The following ABCC11 variants were observed in gnomAD, a reference collection of about 807,000 sequenced individuals.
The protein encoded by ABCC11 is ATP-binding cassette sub-family C member 11.
A neutral mutation model predicts 149.3 loss-of-function variants in ABCC11; 135 were observed. That is an observed-to-expected ratio of 0.90 (90% CI 0.79 to 1.04). ABCC11 has a LOEUF of 1.04. Among genes scored for constraint, ABCC11 ranks in the 50% least tolerant of loss-of-function variants. The pLI is 0.00. For missense variants in ABCC11, 1,680 were observed against 1,722.1 expected, an observed-to-expected ratio of 0.98 and a Z score of 0.43; for synonymous variants, 665 against 671.4, an observed-to-expected ratio of 0.99 and a Z score of 0.15.
intron 14 of ABCC11, 72 bp from the exon 15 acceptor site, chr16:48,200,551 G>A (rs1414787796): frequency 9.4e-6 from 14 of 1,486,312 alleles, no homozygotes; most frequent in Non-Finnish European, 1.3e-5. Context: ...TGGGTAGGCA[G>A]ATGTAGCAGA....
chr16:48,182,377 G>T (rs780252048), intron 23 of ABCC11, among the ~76,000 whole-genome samples: 1 of 152,058 alleles, frequency 6.6e-6, no homozygotes, highest in Non-Finnish European at 1.5e-5. Context: ...TAACAGCTGG[G>T]CTGACTGGGA....
chr16:48,229,622 A>G (rs8046378), intron 3 of ABCC11, among the ~76,000 whole-genome samples: 12,783 of 139,762 alleles, frequency 0.091, 882 homozygotes, highest in African/African-American at 0.18. Context: ...CTGCCACCGC[A>G]CCCGGCTAAT....
At position 48,214,963 on chromosome 16, in the gene ABCC11, G is replaced by T. The variant is rs369153671; in HGVS notation, c.1166C>A (p.Thr389Asn). The T allele has an allele frequency of 7.9e-5, 127 of 1,613,976 alleles. No homozygotes were observed. The highest frequency in any genetic ancestry group is 1.0e-4 in the Non-Finnish European group (123 of 1,180,004). Residue 389 changes from threonine (T) to asparagine (N), a missense_variant, in exon 9 of 30, where the codon ACC becomes AAC. Thr to Asn is a moderately conservative substitution (Grantham distance 65). Coordinates refer to ENST00000356608, the MANE Select transcript of ABCC11 (RefSeq NM_001370497.1). ...GGCCACTGTGGGGATGATGAACAAGGTTATACTTGTCAGGCTCTGGACAAG... is the reference window on the plus strand; with the variant it reads ...GGCCACTGTGGGGATGATGAACAAGTTTATACTTGTCAGGCTCTGGACAAG... ...CGLVQSLTSI[T>N]LFIIPTVATA... is the part of the protein sequence containing the mutation.
At chr16:48,233,380 A>G (rs1047008198) in intron 1 of ABCC11, among the ~76,000 whole-genome samples, 6 of 152,200 alleles carry the variant, frequency 3.9e-5, no homozygotes, top group African/African-American at 1.4e-4. Context: ...GAATTTTCCT[A>G]CAGACCATAT....
chr16:48,184,600 T>G lies in ABCC11; in HGVS notation c.3098A>C (p.Asn1033Thr), dbSNP rs111447063. ...AGATAGAAACAACAGCAGGTAGTTATTCTGCGCATCAGTCAGCCTCTTAAA... is the reference window on the plus strand; with the variant it reads ...AGATAGAAACAACAGCAGGTAGTTAGTCTGCGCATCAGTCAGCCTCTTAAA... ...SQFKRLTDAQ[N>T]NYLLLFLSST... The change falls in exon 23 of 30, where the codon AAT becomes ACT. Residue 1033 changes from asparagine to threonine, a missense_variant. By Grantham distance (65) the Asn-to-Thr change is moderately conservative (BLOSUM62 0). Transcript: ENST00000356608. 1 of 1,614,226 alleles carries G rather than the reference T, an allele frequency of 6.2e-7. No homozygotes were observed. The highest frequency in any genetic ancestry group is 1.1e-5 in the South Asian group (1 of 91,078).
chr16:48,193,879 C>A lies in ABCC11; in HGVS notation c.2508G>T (p.Gly836=). The A allele has an allele frequency of 1.2e-6, 2 of 1,612,914 alleles. No homozygotes were observed. The highest frequency in any genetic ancestry group is 1.1e-5 in the South Asian group (1 of 90,982). ...AGCCCATCCACCTCATGGCACTCACCCCCGAGCCCTGCTCCAACCAGTAGC... is the reference window on the plus strand; with the variant it reads ...AGCCCATCCACCTCATGGCACTCACACCCGAGCCCTGCTCCAACCAGTAGC... ...WLSYWLEQGS[G]TNSSRESNGT... The change falls in exon 19 of 30, where the codon GGG becomes GGT. Residue 836 remains glycine, a splice_region_variant and synonymous_variant. Coordinates refer to ENST00000356608, the MANE Select transcript of ABCC11 (RefSeq NM_001370497.1).
Position 48,222,710 on chromosome 16 carries a change from G to A in ABCC11, c.665C>T (p.Ser222Phe), listed in dbSNP as rs1361736280. 1.2e-6 allele frequency: 2 copies of A among 1,614,236 alleles called. No individual in the cohort carries two copies. Among genetic ancestry groups the A allele is most frequent in the South Asian group, 1.1e-5 (1 of 91,088 alleles). The part of the protein sequence containing the change: ...SECVKSLSFS[S>F]SWIINQRTAI... The stretch of plus-strand genomic sequence containing the variant: ...TGTGCGTTGGTTGATGATCCAACTG[G>A]AGGAGAAACTCAGAGACTTCACACA... Residue 222 changes from serine to phenylalanine, a missense_variant, in exon 6 of 30, where the codon TCC becomes TTC. By Grantham distance (155) the Ser-to-Phe change is radical. Coordinates refer to ENST00000356608, the MANE Select transcript of ABCC11 (RefSeq NM_001370497.1).
intron 18 of ABCC11, 66 bp downstream of exon 18, chr16:48,196,166 A>G: frequency 1.3e-6 from 2 of 1,542,524 alleles, no homozygotes; most frequent in Middle Eastern, 1.8e-4. Context: ...ACGTGTTCCA[A>G]TCTGACCCAG....
In ABCC11 at chr16:48,224,422, G is replaced by T. The variant is rs755688330; in HGVS notation, c.403C>A (p.Arg135Ser). 2 of 1,614,016 alleles carry T rather than the reference G, an allele frequency of 1.2e-6. No individual in the cohort carries two copies. The highest frequency in any genetic ancestry group is 2.2e-5 in the South Asian group (2 of 91,056). The change falls in exon 5 of 30, where the codon CGC becomes AGC. Residue 135 changes from arginine to serine, a missense_variant. Transcript: ENST00000356608. ...ASDKNVQRLH[R>S]LWEEEVSRRG... is the part of the protein sequence containing the mutation. ...CTTGAGACTTCTTCTTCCCAAAGGC[G>T]GTGAAGCCTTGAAAAGAGGATAATG...
chr16:48,216,200 C>A lies in ABCC11; in HGVS notation c.865G>T (p.Val289Phe), dbSNP rs1469725321. Reference sequence around the variant, plus strand: ...AAGTAGGAAGAAATGCTGCAGATGACCAGCGATGCGCAGGTGATCAGTACT... The same window carrying A: ...AAGTAGGAAGAAATGCTGCAGATGAACAGCGATGCGCAGGTGATCAGTACT... ...PLVLITCASL[V>F]ICSISSYFII... The change falls in exon 7 of 30, where the codon GTC becomes TTC. Residue 289 changes from valine to phenylalanine, a missense_variant. Val to Phe is a conservative substitution (Grantham distance 50, BLOSUM62 -1). Coordinates refer to ENST00000356608, the MANE Select transcript of ABCC11 (RefSeq NM_001370497.1). The A allele has an allele frequency of 6.2e-7, 1 of 1,614,118 alleles. No homozygotes were observed. The highest frequency in any genetic ancestry group is 1.7e-5 in the Admixed American group (1 of 60,026).
chr16:48,229,405 AAAC>A (rs1286291868), intron 3 of ABCC11, among the ~76,000 whole-genome samples: 1 of 152,104 alleles, frequency 6.6e-6, no homozygotes, highest in Non-Finnish European at 1.5e-5. Context: ...AAATCTTAGA[AAAC>A]ATGTTGGAAA....
chr16:48,171,483 T>G (rs1451274600), intron 26 of ABCC11, among the ~76,000 whole-genome samples: 1 of 152,224 alleles, frequency 6.6e-6, no homozygotes, highest in Non-Finnish European at 1.5e-5. Flanking sequence ...AACTCAGCCT[T>G]GGCCTCCCCA....
At position 48,198,007 on chromosome 16, in the gene ABCC11, C is replaced by A; in HGVS notation, c.2278G>T (p.Ala760Ser). 1 of 1,614,180 alleles carries A rather than the reference C, an allele frequency of 6.2e-7. No homozygotes were observed. The highest frequency in any genetic ancestry group is 8.5e-7 in the Non-Finnish European group (1 of 1,180,032). The change falls in exon 17 of 30, where the codon GCC becomes TCC. Residue 760 changes from alanine to serine, a missense_variant. Coordinates refer to ENST00000356608, the MANE Select transcript of ABCC11 (RefSeq NM_001370497.1). ...TTGAGAGACTCTTCCAGGGAGGTGG[C>A]CAGAGCCTGACTTTCTACCTTTGGC... ...EKPKVESQAL[A>S]TSLEESLNGN...
Position 48,209,069 on chromosome 16 carries a change from T to C in ABCC11, c.1609-573A>G, listed in dbSNP as rs1968689097. On this transcript the variant is annotated intron_variant, in intron 11 of 29. Coordinates refer to ENST00000356608, the MANE Select transcript of ABCC11 (RefSeq NM_001370497.1). ...GATAAGTGATATGAGTAAAATGAAG[T>C]TGACTCTTATGACAGACAGAAAGTT... Among the ~76,000 whole-genome samples the C allele has an allele frequency of 2.0e-5, 3 of 152,108 alleles. No individual in the cohort carries two copies. In the South Asian group the frequency reaches 6.2e-4, roughly 32 times the overall value.
chr16:48,178,518 C>T (rs759586631), intron 24 of ABCC11, 79 bp downstream of exon 24: 2 of 1,367,300 alleles, frequency 1.5e-6, no homozygotes, highest in Non-Finnish European at 2.1e-6. Context: ...GCTCTGAGGC[C>T]AGTGGGGCTT....
chr16:48,216,014 G>A (rs1217698207), intron 7 of ABCC11, 100 bp downstream of exon 7: 1 of 1,295,634 alleles, frequency 7.7e-7, no homozygotes, highest in Non-Finnish European at 1.1e-6. Context: ...GGATTGAAAG[G>A]TCAACAAGAA....
chr16:48,218,882 G>A (rs1969533238), intron 6 of ABCC11, among the ~76,000 whole-genome samples: 1 of 152,148 alleles, frequency 6.6e-6, no homozygotes. Flanking sequence ...TCAGCAGCGT[G>A]AAAATGGACT....
rs770507620 is a variant in ABCC11, at chr16:48,184,537, G to A, written c.3161C>T (p.Thr1054Ile). 3 of 1,614,124 alleles carry A rather than the reference G, an allele frequency of 1.9e-6. No homozygotes were observed. In the African/African-American group the frequency reaches 4.0e-5, roughly 22 times the overall value. ...RWMALRLEIM[T>I]NLVTLAVALF... ...GGCAACAGCCAAGGTCACAAGGTTG[G>A]TCATGATCTCCAGCCTCAATGCCAT... The change falls in exon 23 of 30, where the codon ACC becomes ATC. Residue 1054 changes from threonine (T) to isoleucine (I), a missense_variant. Thr to Ile is a moderately conservative substitution (Grantham distance 89, BLOSUM62 -1). Transcript: ENST00000356608.
Position 48,171,080 on chromosome 16 carries a change from G to A in ABCC11, c.3699-113C>T, listed in dbSNP as rs1965687441. 5.4e-6 allele frequency: 5 copies of A among 921,214 alleles called. No individual in the cohort carries two copies. The South Asian group carries it at 7.5e-5, about 14-fold the overall frequency. The allele number at this position is 921,214 out of a possible 1,614,324, so 57.1% of individuals were successfully genotyped here. On this transcript the variant is annotated intron_variant, in intron 26 of 29. Coordinates refer to ENST00000356608, the MANE Select transcript of ABCC11 (RefSeq NM_001370497.1). ...TTAGAACTGGATTATGGGGTTTAGGGAAATTCATGGAACCACCACAAATGG... is the reference window on the plus strand; with the variant it reads ...TTAGAACTGGATTATGGGGTTTAGGAAAATTCATGGAACCACCACAAATGG...
Sources: allele counts gnomAD v4.1 joint callset (sites outside exome capture counted in the v4.1 genomes callset), GRCh38; gene constraint gnomAD v4.1.1; transcripts MANE v1.5; gene names NCBI Gene and HGNC (gene_info 2026-07-23, HGNC 2026-07-21).